DDX47: variants seen among roughly 807,000 people sequenced by gnomAD.
DDX47 encodes probable ATP-dependent RNA helicase DDX47.
In DDX47, 60 loss-of-function variants were observed where a neutral mutation model predicts 58.8. The ratio of observed to expected loss-of-function variants is 1.02; its 90% CI spans 0.83 to 1.26. The LOEUF is 1.26. DDX47 is among the 50% of genes most tolerant of loss of function. The probability of loss-of-function intolerance (pLI) is 0.00; values close to 1 mark genes in which losing one functional copy is unlikely to be tolerated. For missense variants in DDX47, 530 were observed against 573.2 expected, an observed-to-expected ratio of 0.92 and a Z score of 0.77; for synonymous variants, 197 against 204.6, an observed-to-expected ratio of 0.96 and a Z score of 0.32.
chr12:12,824,814 G>A (rs1863026533), intron 9 of DDX47, 137 bp downstream of exon 9: 1 of 861,512 alleles, frequency 1.2e-6, no homozygotes, highest in Non-Finnish European at 1.8e-6. Flanking sequence ...CCCTTGGTTA[G>A]TTCATTCACA....
At chr12:12,822,217 G>A (rs1297020862) in intron 5 of DDX47, 134 bp downstream of exon 5, 8 of 619,216 alleles carry the variant, frequency 1.3e-5, no homozygotes, top group East Asian at 2.7e-5. Flanking sequence ...TCAAATTGCA[G>A]TTTCTCAGCA....
chr12:12,828,540 A>G (rs1176020776), intron 11 of DDX47, among the ~76,000 whole-genome samples: 1 of 152,208 alleles, frequency 6.6e-6, no homozygotes, highest in Non-Finnish European at 1.5e-5. Flanking sequence ...TCTAGAGGAA[A>G]ACCATTGGAA....
chr12:12,826,811 G>T (rs1224078769), intron 10 of DDX47, among the ~76,000 whole-genome samples: 1 of 151,916 alleles, frequency 6.6e-6, no homozygotes, highest in African/African-American at 2.4e-5. Flanking sequence ...AGGCTGGAGT[G>T]CAGTGACTTG....
In DDX47 at chr12:12,824,580, C is replaced by T. The variant is rs1348659187; in HGVS notation, c.938C>T (p.Ala313Val). The T allele has an allele frequency of 6.2e-7, 1 of 1,614,050 alleles. No individual in the cohort carries two copies. Among genetic ancestry groups the T allele is most frequent in the East Asian group, 2.2e-5 (1 of 44,880 alleles). The change falls in exon 9 of 12, where the codon GCC becomes GTC. Residue 313 changes from alanine (A) to valine (V), a missense_variant. Transcript: ENST00000358007. ...LGSLNKFKAK[A>V]RSILLATDVA... ...TCCCTTAATAAGTTTAAGGCCAAGGCCCGTTCCATTCTTCTAGCAACTGAC... is the reference window on the plus strand; with the variant it reads ...TCCCTTAATAAGTTTAAGGCCAAGGTCCGTTCCATTCTTCTAGCAACTGAC...
At chr12:12,823,621 G>A in intron 7 of DDX47, 1 of 552,442 alleles carries the variant, frequency 1.8e-6, no homozygotes, top group Non-Finnish European at 3.2e-6. Context: ...TGAAGCCCCT[G>A]GTTTTGTGCT....
chr12:12,822,878 A>G, intron 6 of DDX47, 146 bp downstream of exon 6: 1 of 722,314 alleles, frequency 1.4e-6, no homozygotes, highest in South Asian at 1.8e-5. Context: ...TTATACAGAA[A>G]AGAGGTTTAA....
Position 12,813,398 on chromosome 12 carries a change from A to T in DDX47, c.31A>T (p.Thr11Ser), listed in dbSNP as rs777508264. Residue 11 changes from threonine (T) to serine (S), a missense_variant, in exon 1 of 12, where the codon ACC (threonine) becomes TCC (serine). Coordinates refer to ENST00000358007, the MANE Select transcript of DDX47 (RefSeq NM_016355.4). MAAPEEHDSP[T>S]EASQPIVEEE... ...GGCACCCGAGGAACACGATTCTCCG[A>T]CCGAAGCGTCCCAGCCGATTGTGGA... 6.2e-7 allele frequency: 1 copy of T among 1,613,598 alleles called. No individual in the cohort carries two copies. Among genetic ancestry groups the T allele is most frequent in the East Asian group, 2.2e-5 (1 of 44,858 alleles).
chr12:12,827,181 A>C, intron 10 of DDX47, 65 bp from the exon 11 acceptor site: 1 of 1,567,538 alleles, frequency 6.4e-7, no homozygotes. Context: ...ATATAATAAT[A>C]GTTTGGGAAT....
chr12:12,828,113 C>A (rs911499060), intron 11 of DDX47, among the ~76,000 whole-genome samples: 2 of 152,066 alleles, frequency 1.3e-5, no homozygotes, highest in African/African-American at 4.8e-5. Context: ...CCGCCTCGGC[C>A]TCCCAAAGTG....
intron 3 of DDX47, 115 bp downstream of exon 3, chr12:12,821,511 ATGT>A (rs1317653551): frequency 6.9e-7 from 1 of 1,440,478 alleles, no homozygotes; most frequent in Non-Finnish European, 9.7e-7. Flanking sequence ...TAAAGAGCTA[ATGT>A]TGTATTTGAG....
chr12:12,813,554 C>T (rs1862847701), intron 1 of DDX47, 100 bp downstream of exon 1: 2 of 1,104,390 alleles, frequency 1.8e-6, no homozygotes, highest in East Asian at 2.6e-5. Flanking sequence ...ACAAAAGCAT[C>T]TTGGGGCCTA....
rs528718185 is a variant in DDX47 at position 12,813,362 on chromosome 12, C to T, written c.-6C>T. 3.7e-6 allele frequency: 6 copies of T among 1,612,792 alleles called. No individual in the cohort carries two copies. Among genetic ancestry groups the T allele is most frequent in the South Asian group, 3.3e-5 (3 of 90,788 alleles). On this transcript the variant is annotated 5_prime_UTR_variant, in exon 1 of 12. Transcript: ENST00000358007. ...CGCAGACCCACTTCCGGAGACCTCA[C>T]ACAAGATGGCGGCACCCGAGGAACA...
Position 12,829,512 on chromosome 12 carries a change from C to T in DDX47, c.1326C>T (p.Asn442=). The T allele has an allele frequency of 6.2e-7, 1 of 1,613,662 alleles. No homozygotes were observed. ...CAGAGGGTGCTATTGGTGTCAGGAA[C>T]AAGGTGGCTGGAGGAAAAATGAAGA... ...DDTEGAIGVR[N]KVAGGKMKKR... is the part of the protein sequence containing the mutation. Residue 442 remains asparagine, a synonymous_variant, in exon 12 of 12, where the codon AAC becomes AAT. Coordinates refer to ENST00000358007, the MANE Select transcript of DDX47 (RefSeq NM_016355.4).
chr12:12,826,061 T>G lies in DDX47; in HGVS notation c.1097T>G (p.Phe366Cys). Reference sequence around the variant, plus strand: ...GGGCGCTCCGGAAAGGCTATTACTTTTGTCACACAGTAAGTAAATCAGCTT... The same window carrying G: ...GGGCGCTCCGGAAAGGCTATTACTTGTGTCACACAGTAAGTAAATCAGCTT... ...RAGRSGKAITFVTQYDVELFQ... is the reference protein window; with the variant it reads ...RAGRSGKAITCVTQYDVELFQ... The change falls in exon 10 of 12, where the codon TTT becomes TGT. Residue 366 changes from phenylalanine (F) to cysteine (C), a missense_variant. Transcript: ENST00000358007. 1 of 1,613,554 alleles carries G rather than the reference T, an allele frequency of 6.2e-7. No individual in the cohort carries two copies. The highest frequency in any genetic ancestry group is 8.5e-7 in the Non-Finnish European group (1 of 1,179,710).
In DDX47 at chr12:12,814,645, A is replaced by G. The variant is rs566898454; in HGVS notation, c.181+421A>G. 9 of 156,570 alleles carry G rather than the reference A, an allele frequency of 5.7e-5. No individual in the cohort carries two copies. In the East Asian group the frequency reaches 1.5e-3, roughly 26 times the overall value. 9.7% of individuals were successfully genotyped at this position (156,570 alleles called of 1,614,324 possible). On this transcript the variant is annotated intron_variant, in intron 2 of 11. Coordinates refer to ENST00000358007, the MANE Select transcript of DDX47 (RefSeq NM_016355.4). ...ATTGATGGCTACTGGAACTGAAACT[A>G]ATGGGATGAACTTTTTTCTTTTTGA...
At chr12:12,826,442 C>A (rs1182626481) in intron 10 of DDX47, 1 of 155,124 alleles carries the variant, frequency 6.4e-6, no homozygotes, top group African/African-American at 2.5e-5. Flanking sequence ...TTTCTCCCTC[C>A]CTCCTTTCCT....
In DDX47 at chr12:12,822,668, A is replaced by C. The variant is rs776606946; in HGVS notation, c.569A>C (p.Lys190Thr). ...LNMDFETEVD[K>T]ILKVIPRDRK... ...TTCCTCTTTGTGCTTTAGGTTGACAAGATCCTCAAAGTGATTCCTCGAGAT... is the reference window on the plus strand; with the variant it reads ...TTCCTCTTTGTGCTTTAGGTTGACACGATCCTCAAAGTGATTCCTCGAGAT... Residue 190 changes from lysine (K) to threonine (T), a missense_variant, in exon 6 of 12, where the codon AAG (lysine) becomes ACG (threonine). Coordinates refer to ENST00000358007, the MANE Select transcript of DDX47 (RefSeq NM_016355.4). The C allele has an allele frequency of 6.2e-7, 1 of 1,613,944 alleles. No homozygotes were observed. The highest frequency in any genetic ancestry group is 1.1e-5 in the South Asian group (1 of 91,058).
At chr12:12,813,520 C>A in intron 1 of DDX47, 66 bp downstream of exon 1, 5 of 1,368,778 alleles carry the variant, frequency 3.7e-6, no homozygotes, top group Non-Finnish European at 5.1e-6. Context: ...ACCCCAGGTA[C>A]CTTAGATCCC....
intron 6 of DDX47, 149 bp downstream of exon 6, chr12:12,822,881 AGG>A (rs1365766742): frequency 4.1e-5 from 29 of 713,524 alleles, no homozygotes; most frequent in Non-Finnish European, 5.9e-5. Flanking sequence ...TACAGAAAAG[AGG>A]TTTAATTGAC....
Sources: gnomAD v4.1 joint callset for allele counts (sites outside exome capture counted in the v4.1 genomes callset) on GRCh38, gnomAD v4.1.1 for gene constraint, MANE v1.5 for transcripts, NCBI Gene and HGNC (gene_info 2026-07-23, HGNC 2026-07-21) for gene names.